SDK1: variants seen among roughly 807,000 people sequenced by gnomAD.
SDK1 encodes sidekick cell adhesion molecule 1.
SDK1 carries 157 observed loss-of-function variants against 245.5 expected under a neutral mutation model. The observed-to-expected ratio is 0.64, with a 90% CI of 0.56 to 0.73. The LOEUF (loss-of-function observed/expected upper bound fraction) is 0.73. Ranked by LOEUF, SDK1 falls within the 30% of genes least tolerant of loss-of-function variation. The pLI, the probability that SDK1 is intolerant of heterozygous loss-of-function variation, is 0.00. For synonymous variants in SDK1, 1,647 were observed against 1,278.5 expected (o/e 1.29, Z -6.15); for missense variants, 3,583 against 3,002.3 (o/e 1.19, Z -4.52).
intron 1 of SDK1, among the ~76,000 whole-genome samples, chr7:3,423,650 T>A (rs1779592759): frequency 6.6e-6 from 1 of 152,000 alleles, no homozygotes; most frequent in Non-Finnish European, 1.5e-5. Flanking sequence ...AGGACTGTGC[T>A]ATGTAACTCA....
chr7:4,112,274 G>C (rs1369360790), intron 23 of SDK1, among the ~76,000 whole-genome samples: 1 of 152,106 alleles, frequency 6.6e-6, no homozygotes, highest in Non-Finnish European at 1.5e-5. Flanking sequence ...AGAGACAAAG[G>C]GTCCCATTCT....
intron 4 of SDK1, among the ~76,000 whole-genome samples, chr7:3,772,824 G>T (rs1780441678): frequency 6.6e-6 from 1 of 152,056 alleles, no homozygotes; most frequent in South Asian, 2.1e-4. Context: ...CACATCTGAA[G>T]TCCCATTTTC....
intron 4 of SDK1, among the ~76,000 whole-genome samples, chr7:3,664,721 C>G (rs1418809653): frequency 7.1e-6 from 1 of 141,322 alleles, no homozygotes; most frequent in Admixed American, 7.4e-5. Flanking sequence ...GCCTGGGCAA[C>G]AGAGCGAGAC....
intron 4 of SDK1, among the ~76,000 whole-genome samples, chr7:3,820,243 A>G (rs1297416931): frequency 6.6e-6 from 1 of 152,098 alleles, no homozygotes; most frequent in East Asian, 1.9e-4. Context: ...TCCGCCTCCC[A>G]GGTTCAAGCG....
At chr7:4,103,880 G>C (rs1225241361) in intron 22 of SDK1, among the ~76,000 whole-genome samples, 1 of 152,260 alleles carries the variant, frequency 6.6e-6, no homozygotes, top group Non-Finnish European at 1.5e-5. Flanking sequence ...AATACTTGAG[G>C]CTTTCCAGGT....
At chr7:3,316,073 G>C (rs1034243035) in intron 1 of SDK1, among the ~76,000 whole-genome samples, 2 of 152,124 alleles carry the variant, frequency 1.3e-5, no homozygotes, top group African/African-American at 4.8e-5. Flanking sequence ...ATACATTCAA[G>C]TTAATGGTAG....
rs111885008 is a variant in SDK1 at position 4,080,226 on chromosome 7, A to G, written c.3324+642A>G. ...GGGGGCGGGTTCCACAGGACTTGAG[A>G]GAGTGGACTCCGCCGAGAGACTTCC... On this transcript the variant is annotated intron_variant, in intron 22 of 44. Transcript: ENST00000404826. Among the ~76,000 whole-genome samples the G allele has an allele frequency of 2.4e-3, 363 of 152,148 alleles. 2 individuals carry two copies. The highest frequency in any genetic ancestry group is 4.0e-3 in the Non-Finnish European group (269 of 67,978).
At chr7:3,922,653 AT>A (rs1423019349) in intron 5 of SDK1, among the ~76,000 whole-genome samples, 27 of 152,260 alleles carry the variant, frequency 1.8e-4, no homozygotes, top group African/African-American at 6.3e-4. Context: ...TTTTCTTTAG[AT>A]TGATATGTTG....
chr7:3,352,252 G>A (rs1780679188), intron 1 of SDK1, among the ~76,000 whole-genome samples: 1 of 150,242 alleles, frequency 6.7e-6, no homozygotes, highest in Admixed American at 6.6e-5. Flanking sequence ...AAAATTGTCA[G>A]GATTTGGGAG....
intron 22 of SDK1, among the ~76,000 whole-genome samples, chr7:4,080,024 G>C (rs1284971472): frequency 6.6e-6 from 1 of 152,190 alleles, no homozygotes; most frequent in Admixed American, 6.5e-5. Context: ...GAGCACGGGG[G>C]CTATTGCAGT....
chr7:3,605,768 A>G (rs1167573468), intron 1 of SDK1, among the ~76,000 whole-genome samples: 1 of 152,176 alleles, frequency 6.6e-6, no homozygotes, highest in Non-Finnish European at 1.5e-5. Context: ...TCTTTATTTT[A>G]GATAAGGTGA....
chr7:3,771,529 C>T lies in SDK1; in HGVS notation c.714-49921C>T, dbSNP rs552839285. 3.9e-5 allele frequency among the ~76,000 whole-genome samples: 6 copies of T among 152,278 alleles called. No homozygotes were observed. In the South Asian group the frequency reaches 1.0e-3, roughly 26 times the overall value. On this transcript the variant is annotated intron_variant, in intron 4 of 44. Transcript: ENST00000404826. ...CTCTTGGGGTTCTGAATACCTTTAA[C>T]CTGTCTGTACTTTGGTTACAGGGAC... is the stretch of plus-strand genomic sequence containing the variant.
At chr7:3,845,743 A>C (rs1780262271) in intron 5 of SDK1, among the ~76,000 whole-genome samples, 2 of 150,886 alleles carry the variant, frequency 1.3e-5, no homozygotes, top group Non-Finnish European at 2.9e-5. Context: ...AAGAAATTCC[A>C]TTTGCAGTGT....
intron 8 of SDK1, 122 bp downstream of exon 8, chr7:3,959,136 T>G: frequency 1.3e-6 from 1 of 794,434 alleles, no homozygotes; most frequent in Non-Finnish European, 2.2e-6. Flanking sequence ...AGAGCAGACT[T>G]CAGAGAGTAG....
chr7:3,790,857 G>C (rs957637803), intron 4 of SDK1, among the ~76,000 whole-genome samples: 1 of 152,104 alleles, frequency 6.6e-6, no homozygotes, highest in African/African-American at 2.4e-5. Flanking sequence ...GGAACTTGGG[G>C]CTAGGGAGGT....
chr7:3,704,955 C>T (rs1360569633), intron 4 of SDK1, among the ~76,000 whole-genome samples: 1 of 152,124 alleles, frequency 6.6e-6, no homozygotes, highest in Non-Finnish European at 1.5e-5. Flanking sequence ...ATGCTTTCCC[C>T]AATTTATGTT....
At chr7:4,000,244 A>G (rs1362713067) in intron 14 of SDK1, among the ~76,000 whole-genome samples, 1 of 152,196 alleles carries the variant, frequency 6.6e-6, no homozygotes, top group Non-Finnish European at 1.5e-5. Flanking sequence ...TGAGGCTGAG[A>G]TGATGTTCTG....
At chr7:3,901,675 T>C (rs1170990556) in intron 5 of SDK1, among the ~76,000 whole-genome samples, 1 of 152,224 alleles carries the variant, frequency 6.6e-6, no homozygotes, top group East Asian at 1.9e-4. Flanking sequence ...ACTATGGGAC[T>C]ATTCTGTTTC....
At chr7:3,886,428 G>A (rs1781340973) in intron 5 of SDK1, among the ~76,000 whole-genome samples, 4 of 152,268 alleles carry the variant, frequency 2.6e-5, no homozygotes, top group African/African-American at 9.6e-5. Context: ...TTACTTTACA[G>A]ATAATGAAGC....
Sources: gnomAD v4.1 joint callset for allele counts (sites outside exome capture counted in the v4.1 genomes callset) on GRCh38, gnomAD v4.1.1 for gene constraint, MANE v1.5 for transcripts, NCBI Gene and HGNC (gene_info 2026-07-23, HGNC 2026-07-21) for gene names.